Variants in GLIS3 observed in about 807,000 individuals in gnomAD.
GLIS3 encodes the protein GLIS family zinc finger 3.
Under a neutral mutation model 78.6 loss-of-function variants are expected in GLIS3, and 53 were observed. The observed-to-expected ratio is 0.67, with a 90% CI of 0.54 to 0.85. The LOEUF (loss-of-function observed/expected upper bound fraction) is 0.85. Among genes scored for constraint, GLIS3 ranks in the 40% least tolerant of loss-of-function variants. The pLI is 0.00. For synonymous variants in GLIS3, 684 were observed against 509.9 expected (o/e 1.34, Z -4.60); for missense variants, 1,703 against 1,231.1 (o/e 1.38, Z -5.74).
intron 2 of GLIS3, among the ~76,000 whole-genome samples, chr9:4,174,585 T>C (rs1816658586): frequency 6.6e-6 from 1 of 152,222 alleles, no homozygotes; most frequent in Non-Finnish European, 1.5e-5. Flanking sequence ...CTAACTGACA[T>C]TTTTACAAAT....
chr9:3,976,282 C>T (rs760126334), intron 4 of GLIS3, among the ~76,000 whole-genome samples: 4 of 152,164 alleles, frequency 2.6e-5, no homozygotes, highest in Admixed American at 1.3e-4. Context: ...TTCCATACAT[C>T]TTTAAAAGAT....
intron 4 of GLIS3, among the ~76,000 whole-genome samples, chr9:3,956,437 C>G (rs1410166011): frequency 6.6e-6 from 1 of 152,144 alleles, no homozygotes; most frequent in Non-Finnish European, 1.5e-5. Flanking sequence ...GGCTTTGATG[C>G]CCTTTGTCTA....
chr9:4,091,716 T>C (rs909314394), intron 4 of GLIS3, among the ~76,000 whole-genome samples: 1 of 152,126 alleles, frequency 6.6e-6, no homozygotes, highest in African/African-American at 2.4e-5. Flanking sequence ...GGAGGATGTG[T>C]TTGCTTTCCC....
At chr9:4,251,786 G>T (rs566697739) in intron 2 of GLIS3, among the ~76,000 whole-genome samples, 1 of 152,272 alleles carries the variant, frequency 6.6e-6, no homozygotes, top group African/African-American at 2.4e-5. Flanking sequence ...AGGAGCTTTT[G>T]TAAGGCAGGC....
At chr9:4,186,932 C>A (rs937817491) in intron 2 of GLIS3, among the ~76,000 whole-genome samples, 12 of 152,000 alleles carry the variant, frequency 7.9e-5, no homozygotes, top group African/African-American at 2.7e-4. Context: ...AAATTTTCTC[C>A]CATTCTGTAG....
chr9:4,180,639 C>G (rs547779738), intron 2 of GLIS3, among the ~76,000 whole-genome samples: 3 of 152,258 alleles, frequency 2.0e-5, no homozygotes, highest in South Asian at 2.1e-4. Flanking sequence ...CATGAGAGAA[C>G]AGCAGATCTT....
Position 4,234,930 on chromosome 9 carries a change from C to G in GLIS3, c.388+51108G>C, listed in dbSNP as rs530740693. ...GAGTTGGAAGGACTCAAAAAGGCAT[C>G]GCCACATACACTCCATGGCATCAGT... On this transcript the variant is annotated intron_variant, in intron 2 of 10. Coordinates refer to ENST00000381971, the MANE Select transcript of GLIS3 (RefSeq NM_001042413.2). Among the ~76,000 whole-genome samples, 5 of 152,266 alleles carry G rather than the reference C, an allele frequency of 3.3e-5. No individual in the cohort carries two copies. The South Asian group carries it at 1.0e-3, about 32-fold the overall frequency.
intron 2 of GLIS3, among the ~76,000 whole-genome samples, chr9:4,281,443 C>G (rs190246537): frequency 1.9e-3 from 291 of 152,274 alleles, no homozygotes; most frequent in African/African-American, 6.6e-3. Flanking sequence ...CTCCTCATGC[C>G]CCCTTCTCCC....
At chr9:4,076,350 G>C (rs1427584223) in intron 4 of GLIS3, among the ~76,000 whole-genome samples, 5 of 152,112 alleles carry the variant, frequency 3.3e-5, no homozygotes, top group Non-Finnish European at 7.3e-5. Flanking sequence ...GTTTCTCAGA[G>C]GAAGGGAAAC....
At chr9:3,987,448 T>C (rs1819833342) in intron 4 of GLIS3, among the ~76,000 whole-genome samples, 1 of 151,970 alleles carries the variant, frequency 6.6e-6, no homozygotes, top group South Asian at 2.1e-4. Flanking sequence ...ACGCCTTTAA[T>C]CCTAGCACTT....
chr9:4,348,129 A>G (rs1016682178), intron 1 of GLIS3: 1 of 152,276 alleles, frequency 6.6e-6, no homozygotes, highest in Non-Finnish European at 1.5e-5. Context: ...AGCATAACTT[A>G]TAACAGCAAA....
chr9:4,130,461 G>A (rs1276956524), intron 2 of GLIS3, among the ~76,000 whole-genome samples: 1 of 152,226 alleles, frequency 6.6e-6, no homozygotes, highest in African/African-American at 2.4e-5. Flanking sequence ...GGGCCCTGCT[G>A]CACTGCACAG....
At chr9:4,259,964 T>C (rs1190717848) in intron 2 of GLIS3, among the ~76,000 whole-genome samples, 2 of 152,208 alleles carry the variant, frequency 1.3e-5, no homozygotes, top group African/African-American at 4.8e-5. Flanking sequence ...TTTGTCTTTG[T>C]GTAAGCCCTA....
intron 2 of GLIS3, among the ~76,000 whole-genome samples, chr9:4,267,613 G>T (rs1185958031): frequency 1.3e-5 from 2 of 152,158 alleles, no homozygotes; most frequent in Admixed American, 6.5e-5. Context: ...CACATCTTAG[G>T]AAACTTTGCT....
At chr9:4,235,094 C>G (rs571108900) in intron 2 of GLIS3, among the ~76,000 whole-genome samples, 1 of 151,992 alleles carries the variant, frequency 6.6e-6, no homozygotes, top group South Asian at 2.1e-4. Flanking sequence ...GCCAGGAGAT[C>G]GAGACCATCC....
At chr9:4,282,981 T>C (rs1470821195) in intron 2 of GLIS3, among the ~76,000 whole-genome samples, 6 of 152,032 alleles carry the variant, frequency 3.9e-5, no homozygotes. Context: ...CAGGTGCAAG[T>C]CCATGACATG....
At chr9:4,471,882 T>G in the GLIS3 span, among the ~76,000 whole-genome samples, 2 of 151,976 alleles carry the variant, frequency 1.3e-5, no homozygotes, top group Admixed American at 1.3e-4. Flanking sequence ...ATATCCAGAA[T>G]CTACAAATAA....
At chr9:4,424,389 C>T in the GLIS3 span, among the ~76,000 whole-genome samples, 1 of 152,260 alleles carries the variant, frequency 6.6e-6, no homozygotes, top group Non-Finnish European at 1.5e-5. Flanking sequence ...GAATCTCTGC[C>T]TCTTTAATTA....
At chr9:4,186,888 G>C (rs1210989573) in intron 2 of GLIS3, among the ~76,000 whole-genome samples, 3 of 152,118 alleles carry the variant, frequency 2.0e-5, no homozygotes, top group Non-Finnish European at 2.9e-5. Context: ...GTAGATTCTG[G>C]ATATTAGCCC....
Sources: gnomAD v4.1 joint callset for allele counts (sites outside exome capture counted in the v4.1 genomes callset) on GRCh38, gnomAD v4.1.1 for gene constraint, MANE v1.5 for transcripts, NCBI Gene and HGNC (gene_info 2026-07-23, HGNC 2026-07-21) for gene names.